The following TMED3 variants were observed in gnomAD, a reference collection of about 807,000 sequenced individuals.
The protein encoded by TMED3 is transmembrane p24 trafficking protein 3.
In TMED3, 9 loss-of-function variants were observed where a neutral mutation model predicts 15.0. The observed-to-expected ratio is 0.60, with a 90% CI of 0.36 to 1.04. The LOEUF (loss-of-function observed/expected upper bound fraction) is 1.04. TMED3 is among the 50% of genes least tolerant of loss of function. The pLI is 0.01. For synonymous variants in TMED3, 117 were observed against 121.4 expected, an observed-to-expected ratio of 0.96 and a Z score of 0.24; for missense variants, 267 against 278.9, an observed-to-expected ratio of 0.96 and a Z score of 0.30.
At chr15:79,405,138 C>A (rs1207494832) in intron 2 of TMED3, among the ~76,000 whole-genome samples, 1 of 152,224 alleles carries the variant, frequency 6.6e-6, no homozygotes, top group African/African-American at 2.4e-5. Context: ...ATCTCATAGT[C>A]ACTTGCGATT....
At chr15:79,361,016 T>C (rs1262760586) in intron 2 of TMED3, among the ~76,000 whole-genome samples, 1 of 152,060 alleles carries the variant, frequency 6.6e-6, no homozygotes, top group African/African-American at 2.4e-5. Flanking sequence ...GCCTGGCTAA[T>C]TGTGTTTTAT....
downstream of TMED3, among the ~76,000 whole-genome samples, chr15:79,324,067 A>T (rs1046617275): frequency 1.4e-4 from 21 of 152,028 alleles, no homozygotes; most frequent in African/African-American, 4.1e-4. Context: ...CTCGGCTCAC[A>T]GCAACCTCCC....
At chr15:79,319,656 C>T (rs1024504288) in intron 2 of TMED3, among the ~76,000 whole-genome samples, 2 of 152,030 alleles carry the variant, frequency 1.3e-5, no homozygotes, top group African/African-American at 4.8e-5. Context: ...TGGTAGTGGC[C>T]CCGAATGCCA....
chr15:79,394,281 G>GA (rs1893736492), intron 2 of TMED3, among the ~76,000 whole-genome samples: 1 of 152,178 alleles, frequency 6.6e-6, no homozygotes, highest in South Asian at 2.1e-4. Flanking sequence ...TAGACTGTCA[G>GA]AAAATCAGCC....
chr15:79,320,470 C>T (rs907695862), intron 2 of TMED3, among the ~76,000 whole-genome samples: 1 of 152,078 alleles, frequency 6.6e-6, no homozygotes, highest in African/African-American at 2.4e-5. Context: ...TCTCTTGCCT[C>T]GGCACCTGGG....
At chr15:79,311,697 G>A (rs2058715384) in intron 1 of TMED3, among the ~76,000 whole-genome samples, 1 of 152,142 alleles carries the variant, frequency 6.6e-6, no homozygotes, top group Admixed American at 6.5e-5. Flanking sequence ...CTGGGGAGCT[G>A]GCCAAAGAGA....
chr15:79,395,866 A>G (rs537073094), intron 2 of TMED3, among the ~76,000 whole-genome samples: 1 of 152,238 alleles, frequency 6.6e-6, no homozygotes, highest in Non-Finnish European at 1.5e-5. Flanking sequence ...AATTGATACT[A>G]TGGCAAATAA....
chr15:79,362,874 A>G (rs1169192505), intron 2 of TMED3, among the ~76,000 whole-genome samples: 2 of 152,250 alleles, frequency 1.3e-5, no homozygotes, highest in Non-Finnish European at 2.9e-5. Context: ...AGTCTCAGGT[A>G]TATCTTTATT....
At chr15:79,360,522 T>C (rs896035563) in intron 2 of TMED3, among the ~76,000 whole-genome samples, 1 of 152,244 alleles carries the variant, frequency 6.6e-6, no homozygotes, top group African/African-American at 2.4e-5. Flanking sequence ...GGACTTTTGC[T>C]ATTGCAGGCA....
chr15:79,355,508 A>C (rs1052497310), intron 2 of TMED3, among the ~76,000 whole-genome samples: 2 of 152,222 alleles, frequency 1.3e-5, no homozygotes, highest in East Asian at 1.9e-4. Flanking sequence ...CCAGCTTGCT[A>C]TCAAAAGCAG....
chr15:79,406,102 A>G (rs1239795471), intron 2 of TMED3, among the ~76,000 whole-genome samples: 1 of 152,214 alleles, frequency 6.6e-6, no homozygotes, highest in Non-Finnish European at 1.5e-5. Context: ...TGCGGAAGCC[A>G]TGTAGATGAA....
At position 79,345,455 on chromosome 15, in the gene TMED3, C is replaced by T. The variant is rs1056089716; in HGVS notation, c.417+31450C>T. ...AAGGATAATGACCTCCAGCTCCATC[C>T]GTGTTCCTGCAAATGACATGATCTT... On this transcript the variant is annotated intron_variant, in intron 2 of 2. Transcript: ENST00000424155. Among the ~76,000 whole-genome samples the T allele has an allele frequency of 5.9e-5, 9 of 152,256 alleles. No individual in the cohort carries two copies. The East Asian group carries it at 9.6e-4, about 16-fold the overall frequency.
At chr15:79,356,780 C>T (rs1213058522) in intron 2 of TMED3, among the ~76,000 whole-genome samples, 2 of 152,218 alleles carry the variant, frequency 1.3e-5, no homozygotes, top group African/African-American at 4.8e-5. Context: ...CTCAGCAGTG[C>T]TCTAAGATCT....
rs1194396164 is a variant in TMED3, at chr15:79,314,148, A to C, written c.417+143A>C. The stretch of plus-strand genomic sequence containing the variant: ...CAGGGTTGGTTTTGTCTCTTTCTTC[A>C]TACCTAGTCCTAAAGGATGCCATGC... On this transcript the variant is annotated intron_variant, in intron 2 of 2. Coordinates refer to ENST00000299705, the MANE Select transcript of TMED3 (RefSeq NM_007364.4). The C allele has an allele frequency of 4.7e-6, 5 of 1,075,146 alleles. No individual in the cohort carries two copies. The African/African-American group carries it at 4.8e-5, about 10-fold the overall frequency. The allele number at this position is 1,075,146 out of a possible 1,614,324, so 66.6% of individuals were successfully genotyped here.
intron 2 of TMED3, among the ~76,000 whole-genome samples, chr15:79,352,929 AATAT>A (rs1239632034): frequency 9.9e-6 from 1 of 100,844 alleles, no homozygotes; most frequent in Non-Finnish European, 1.9e-5. Context: ...AAATATATAT[AATAT>A]ATATACATAT....
At chr15:79,403,003 G>T (rs1893854000) in intron 2 of TMED3, among the ~76,000 whole-genome samples, 1 of 151,772 alleles carries the variant, frequency 6.6e-6, no homozygotes, top group Non-Finnish European at 1.5e-5. Flanking sequence ...TGGATAACTT[G>T]AGGCTAGGAG....
At chr15:79,410,698 G>GTATATA (rs71150909) in intron 2 of TMED3, among the ~76,000 whole-genome samples, 2,657 of 148,896 alleles carry the variant, frequency 0.018, 25 homozygotes, top group Middle Eastern at 0.032. Flanking sequence ...ATGTGTGTGT[G>GTATATA]TATATATATA....
rs534552386 is a variant in TMED3 at position 79,313,788 on chromosome 15, G to A, written c.200G>A (p.Cys67Tyr). ...ACTGGAGGCCACTACGATGTTGACT[G>A]CTATGTAGAGGACCCCCAGGGGAAC... ...VITGGHYDVDCYVEDPQGNTI... is the reference protein window; with the variant it reads ...VITGGHYDVDYYVEDPQGNTI... The change falls in exon 2 of 3, where the codon TGC (cysteine) becomes TAC (tyrosine). Residue 67 changes from cysteine (C) to tyrosine (Y), a missense_variant. Physicochemically the swap from Cys to Tyr is radical, Grantham distance 194. Around this residue, in one of 3 missense-constraint regions of TMED3, gnomAD observed 69 missense variants for 106.8 expected, o/e 0.65. Coordinates refer to ENST00000299705, the MANE Select transcript of TMED3 (RefSeq NM_007364.4). 1.2e-6 allele frequency: 2 copies of A among 1,614,210 alleles called. No individual in the cohort carries two copies. Among genetic ancestry groups the A allele is most frequent in the Non-Finnish European group, 1.7e-6 (2 of 1,180,036 alleles).
chr15:79,398,627 T>C (rs1421747340), intron 2 of TMED3, among the ~76,000 whole-genome samples: 4 of 149,854 alleles, frequency 2.7e-5, no homozygotes, highest in Admixed American at 2.7e-4. Context: ...ACTCCACCCT[T>C]TTTTTCTGTT....
Sources: gnomAD v4.1 joint callset for allele counts (sites outside exome capture counted in the v4.1 genomes callset) on GRCh38, gnomAD v4.1.1 for gene constraint, gnomAD v4.1.1 regional missense constraint, MANE v1.5 for transcripts, NCBI Gene and HGNC (gene_info 2026-07-23, HGNC 2026-07-21) for gene names.